DESI2: variants seen among roughly 807,000 people sequenced by gnomAD.
DESI2 encodes the protein deubiquitinase DESI2.
In DESI2, 10 loss-of-function variants were observed where a neutral mutation model predicts 24.1. The observed-to-expected ratio is 0.41, with a 90% confidence interval of 0.26 to 0.70. The LOEUF (loss-of-function observed/expected upper bound fraction) is 0.70, where lower values mean the gene tolerates loss of function less well. Ranked by LOEUF, DESI2 falls within the 30% of genes least tolerant of loss-of-function variation. The pLI, the probability that DESI2 is intolerant of heterozygous loss-of-function variation, is 0.29. For synonymous variants in DESI2, 71 were observed against 87.7 expected (o/e 0.81, Z 1.06); for missense variants, 122 against 234.9 (o/e 0.52, Z 3.14).
chr1:244,690,613 G>A (rs1423026940), intron 3 of DESI2, among the ~76,000 whole-genome samples: 1 of 151,838 alleles, frequency 6.6e-6, no homozygotes, highest in Non-Finnish European at 1.5e-5. Flanking sequence ...GCTGAGGCAG[G>A]AGAATTGCTT....
At chr1:244,658,524 G>A (rs756136820) in intron 1 of DESI2, among the ~76,000 whole-genome samples, 2 of 152,042 alleles carry the variant, frequency 1.3e-5, no homozygotes, top group East Asian at 3.9e-4. Context: ...ATACTATCCC[G>A]TGCATCCCAC....
chr1:244,683,845 T>C (rs1390983199), intron 1 of DESI2, among the ~76,000 whole-genome samples: 2 of 151,226 alleles, frequency 1.3e-5, no homozygotes, highest in African/African-American at 4.9e-5. Flanking sequence ...GCCTCCCAAG[T>C]AGCTAGGACC....
chr1:244,682,723 G>A (rs141455205), intron 1 of DESI2, among the ~76,000 whole-genome samples: 3 of 152,270 alleles, frequency 2.0e-5, no homozygotes, highest in South Asian at 2.1e-4. Flanking sequence ...ACAAATGAGC[G>A]TGGCTGTGTT....
intron 2 of DESI2, among the ~76,000 whole-genome samples, chr1:244,687,921 A>G (rs1288205081): frequency 6.6e-6 from 1 of 152,210 alleles, no homozygotes; most frequent in Non-Finnish European, 1.5e-5. Context: ...TTTGAACCAC[A>G]TGATCATGGT....
intron 1 of DESI2, among the ~76,000 whole-genome samples, chr1:244,664,265 G>T (rs1675965194): frequency 6.6e-6 from 1 of 152,148 alleles, no homozygotes; most frequent in South Asian, 2.1e-4. Context: ...GCTTGTAGCA[G>T]CCCTATATAG....
intron 1 of DESI2, among the ~76,000 whole-genome samples, chr1:244,669,952 A>G (rs949630292): frequency 2.3e-5 from 3 of 130,858 alleles, no homozygotes; most frequent in African/African-American, 8.3e-5. Flanking sequence ...TCTCAAGAAT[A>G]TAAATAATTC....
chr1:244,676,900 A>G (rs756230958), intron 1 of DESI2, among the ~76,000 whole-genome samples: 2 of 139,236 alleles, frequency 1.4e-5, no homozygotes, highest in Non-Finnish European at 3.0e-5. Context: ...TTTGTCCTTT[A>G]TATGGTATAT....
rs1676001037 is a variant in DESI2 at position 244,665,197 on chromosome 1, C to T, written c.42+11842C>T. 1.3e-5 allele frequency among the ~76,000 whole-genome samples: 2 copies of T among 151,856 alleles called. 1 individual carries two copies. Among genetic ancestry groups the T allele is most frequent in the South Asian group, 4.2e-4 (2 of 4,814 alleles). On this transcript the variant is annotated intron_variant, in intron 1 of 4. Transcript: ENST00000302550. ...TTTTTTTAGTGTTTTCAGTATGCCA[C>T]TATACTAAGCCATTTCCTTATATTA...
chr1:244,695,064 T>C (rs552919890), intron 4 of DESI2, among the ~76,000 whole-genome samples: 40 of 152,356 alleles, frequency 2.6e-4, no homozygotes, highest in Admixed American at 2.5e-3. Context: ...GTAAGGTCTT[T>C]ATTCATTTCT....
intron 1 of DESI2, among the ~76,000 whole-genome samples, chr1:244,675,005 C>T (rs759266406): frequency 6.6e-6 from 1 of 152,198 alleles, no homozygotes; most frequent in Non-Finnish European, 1.5e-5. Context: ...AATTTCTCCA[C>T]ATCCTAACAC....
At chr1:244,673,180 AAAG>A (rs1231981869) in intron 1 of DESI2, among the ~76,000 whole-genome samples, 1 of 152,188 alleles carries the variant, frequency 6.6e-6, no homozygotes, top group Non-Finnish European at 1.5e-5. Flanking sequence ...GCCCAGTTGT[AAAG>A]ATTGAGCCTT....
At position 244,678,351 on chromosome 1, in the gene DESI2, G is replaced by A. The variant is rs141161893; in HGVS notation, c.43-8246G>A. ...GAATACAAGGAATTTTCAGACTGAA[G>A]AAGTATAGTACTCAGGCAACATATA... On this transcript the variant is annotated intron_variant, in intron 1 of 4. Transcript: ENST00000302550. 5.9e-5 allele frequency among the ~76,000 whole-genome samples: 9 copies of A among 152,230 alleles called. No individual in the cohort carries two copies. In the East Asian group the frequency reaches 1.7e-3, roughly 29 times the overall value.
At chr1:244,695,519 G>A (rs1677180302) in intron 4 of DESI2, among the ~76,000 whole-genome samples, 1 of 152,148 alleles carries the variant, frequency 6.6e-6, no homozygotes, top group South Asian at 2.1e-4. Context: ...TGGGCGTGGT[G>A]GCGGGCACCT....
chr1:244,670,281 T>C (rs1676203434), intron 1 of DESI2, among the ~76,000 whole-genome samples: 1 of 152,026 alleles, frequency 6.6e-6, no homozygotes, highest in African/African-American at 2.4e-5. Context: ...CTTGTAGGAG[T>C]CTTTAAATAG....
chr1:244,700,271 T>C (rs531072499), intron 4 of DESI2, among the ~76,000 whole-genome samples: 14 of 152,228 alleles, frequency 9.2e-5, no homozygotes, highest in African/African-American at 3.4e-4. Flanking sequence ...TTCCCTAGTA[T>C]TCTCTAAGTG....
chr1:244,694,689 C>T (rs1012116428), intron 4 of DESI2: 27 of 746,118 alleles, frequency 3.6e-5, no homozygotes, highest in Middle Eastern at 3.8e-4. Flanking sequence ...CTTATTGCGA[C>T]GCTTTCCAAA....
chr1:244,676,557 A>T (rs1676422205), intron 1 of DESI2, among the ~76,000 whole-genome samples: 1 of 151,464 alleles, frequency 6.6e-6, no homozygotes, highest in Non-Finnish European at 1.5e-5. Flanking sequence ...TTCCTTCTTC[A>T]GTAATTGCCC....
intron 1 of DESI2, among the ~76,000 whole-genome samples, chr1:244,680,965 T>A (rs567361799): frequency 8.3e-5 from 11 of 132,712 alleles, no homozygotes; most frequent in African/African-American, 3.1e-4. Flanking sequence ...TTTTTTTTTT[T>A]AAGTATTACC....
At chr1:244,665,914 CCTCT>C (rs1267338567) in intron 1 of DESI2, among the ~76,000 whole-genome samples, 2 of 152,180 alleles carry the variant, frequency 1.3e-5, no homozygotes, top group African/African-American at 4.8e-5. Context: ...ACAGTCACTC[CCTCT>C]GTCATACTTG....
Sources: gnomAD v4.1 joint callset for allele counts (sites outside exome capture counted in the v4.1 genomes callset) on GRCh38, gnomAD v4.1.1 for gene constraint, MANE v1.5 for transcripts, NCBI Gene and HGNC (gene_info 2026-07-23, HGNC 2026-07-21) for gene names.